The following DMD variants were observed in gnomAD, a reference collection of about 807,000 sequenced individuals.
DMD encodes dystrophin.
In DMD, 63 loss-of-function variants were observed where a neutral mutation model predicts 330.1. The ratio of observed to expected loss-of-function variants is 0.19; its 90% confidence interval spans 0.16 to 0.24. The LOEUF is 0.24. Ranked by LOEUF, DMD falls within the 10% of genes least tolerant of loss-of-function variation. The pLI is 1.00. For missense variants in DMD, 3,344 were observed against 2,684.1 expected (o/e 1.25, Z -5.43); for synonymous variants, 1,223 against 959.8 (o/e 1.27, Z -5.07).
At chrX:31,145,498 G>T (rs1243699853) in intron 76 of DMD, among the ~76,000 whole-genome samples, 1 of 111,241 alleles carries the variant, frequency 9.0e-6, no homozygotes, top group African/African-American at 3.3e-5. Context: ...TTCAAGTATA[G>T]ATCTGTATCT....
chrX:33,279,137 G>C (rs5972803), intron 1 of DMD, among the ~76,000 whole-genome samples: 29,696 of 110,929 alleles, frequency 0.27, 4,537 homozygotes, highest in East Asian at 0.92. Flanking sequence ...TCTGCACACA[G>C]AATGTACTGC....
intron 6 of DMD, among the ~76,000 whole-genome samples, chrX:32,814,875 C>T (rs1016168634): frequency 9.0e-6 from 1 of 111,517 alleles, no homozygotes; most frequent in African/African-American, 3.3e-5. Context: ...TAACCTGATC[C>T]TTGATATTTT....
At chrX:32,913,489 G>A (rs1032335775) in intron 2 of DMD, among the ~76,000 whole-genome samples, 1 of 112,035 alleles carries the variant, frequency 8.9e-6, no homozygotes, top group African/African-American at 3.2e-5. Flanking sequence ...TAATCCACAT[G>A]ATACCAGGTA....
chrX:32,032,270 T>G (rs2095891334), intron 44 of DMD, among the ~76,000 whole-genome samples: 1 of 111,989 alleles, frequency 8.9e-6, no homozygotes, highest in South Asian at 3.7e-4. Context: ...TTATTGTTAT[T>G]TAGTCACTGA....
At chrX:33,166,565 C>T (rs976409138) in intron 1 of DMD, among the ~76,000 whole-genome samples, 2 of 110,925 alleles carry the variant, frequency 1.8e-5, no homozygotes, top group African/African-American at 3.3e-5. Flanking sequence ...ATATCAGTGA[C>T]TTTGCTTACT....
chrX:32,269,211 C>A (rs900088428), intron 43 of DMD, among the ~76,000 whole-genome samples: 1 of 110,909 alleles, frequency 9.0e-6, no homozygotes, highest in African/African-American at 3.3e-5. Flanking sequence ...CCAGTAAATA[C>A]ACCGTGCATG....
chrX:31,383,970 G>A (rs936776505), intron 60 of DMD, among the ~76,000 whole-genome samples: 6 of 112,091 alleles, frequency 5.4e-5, no homozygotes, highest in Non-Finnish European at 9.4e-5. Context: ...GGTGCCACAA[G>A]TGCGAGTACA....
chrX:32,357,552 T>G (rs374978920), intron 37 of DMD, among the ~76,000 whole-genome samples: 1 of 109,940 alleles, frequency 9.1e-6, no homozygotes, highest in Non-Finnish European at 1.9e-5. Context: ...AGGTCATCAG[T>G]GTATCTCATC....
intron 7 of DMD, among the ~76,000 whole-genome samples, chrX:32,712,477 A>C (rs2065278684): frequency 8.9e-6 from 1 of 111,916 alleles, no homozygotes; most frequent in African/African-American, 3.2e-5. Context: ...AAATTGTCTG[A>C]TTAAAATATT....
intron 1 of DMD, among the ~76,000 whole-genome samples, chrX:33,332,656 C>T (rs1341257795): frequency 6.3e-5 from 7 of 111,373 alleles, no homozygotes; most frequent in African/African-American, 2.3e-4. Context: ...TATCTCCTTT[C>T]TAAAACAATT....
chrX:32,187,289 G>A (rs2096951912), intron 44 of DMD, among the ~76,000 whole-genome samples: 1 of 110,835 alleles, frequency 9.0e-6, no homozygotes, highest in African/African-American at 3.3e-5. Flanking sequence ...TTTTATAATT[G>A]CCCAGACCAT....
chrX:32,439,585 G>A (rs1055774920), intron 28 of DMD, among the ~76,000 whole-genome samples: 15 of 110,847 alleles, frequency 1.4e-4, no homozygotes, highest in African/African-American at 4.9e-4. Context: ...TGGATGAAAA[G>A]CAACAAAGCA....
At chrX:32,422,695 T>A (rs2098195039) in intron 29 of DMD, among the ~76,000 whole-genome samples, 1 of 111,783 alleles carries the variant, frequency 8.9e-6, no homozygotes, top group Non-Finnish European at 1.9e-5. Flanking sequence ...TTGAAAAATA[T>A]TTTTATTCCT....
At chrX:31,151,563 C>G (rs1025687518) in intron 74 of DMD, among the ~76,000 whole-genome samples, 1 of 112,016 alleles carries the variant, frequency 8.9e-6, no homozygotes, top group African/African-American at 3.2e-5. Context: ...TTATAAGGAC[C>G]CTTGTTCAAG....
chrX:32,654,643 T>C (rs1162741367), intron 9 of DMD, among the ~76,000 whole-genome samples: 1 of 111,846 alleles, frequency 8.9e-6, no homozygotes, highest in East Asian at 2.8e-4. Context: ...CAGGCTTTGG[T>C]ATCAGGATGA....
intron 1 of DMD, among the ~76,000 whole-genome samples, chrX:33,127,377 C>T (rs934553589): frequency 9.0e-6 from 1 of 110,975 alleles, no homozygotes; most frequent in East Asian, 2.8e-4. Flanking sequence ...AATCACTACA[C>T]CTTTTCACTT....
chrX:32,306,401 G>A (rs1192593786), intron 42 of DMD, among the ~76,000 whole-genome samples: 2 of 110,736 alleles, frequency 1.8e-5, no homozygotes, highest in Non-Finnish European at 3.8e-5. Context: ...TTCCCTTGTG[G>A]TCTCGAACTT....
In DMD at chrX:32,468,567, C is replaced by A. The variant is rs1220406312; in HGVS notation, c.3093G>T (p.Lys1031Asn). The A allele has an allele frequency of 2.6e-5, 32 of 1,208,848 alleles. No individual in the cohort carries two copies. Among genetic ancestry groups the A allele is most frequent in the Non-Finnish European group, 3.4e-5 (30 of 894,828 alleles). The change falls in exon 23 of 79, where the codon AAG (lysine) becomes AAT (asparagine). Residue 1031 changes from lysine to asparagine, a missense_variant. Physicochemically the swap from Lys to Asn is moderately conservative, Grantham distance 94 (BLOSUM62 0). Coordinates refer to ENST00000357033, the MANE Select transcript of DMD (RefSeq NM_004006.3). ...EFEEIEGRWK[K>N]LSSQLVEHCQ... ...AATGCTCAACCAGCTGGGAGGAGAGCTTCTTCCAGCGTCCCTCAATTTCTT... is the reference window on the plus strand; with the variant it reads ...AATGCTCAACCAGCTGGGAGGAGAGATTCTTCCAGCGTCCCTCAATTTCTT...
intron 1 of DMD, among the ~76,000 whole-genome samples, chrX:33,072,517 G>C (rs1279340417): frequency 8.9e-6 from 1 of 112,301 alleles, no homozygotes; most frequent in African/African-American, 3.2e-5. Flanking sequence ...ATGTCTAAAA[G>C]TAATTCCTGA....
Sources: allele counts gnomAD v4.1 joint callset (sites outside exome capture counted in the v4.1 genomes callset), GRCh38; gene constraint gnomAD v4.1.1; transcripts MANE v1.5; gene names NCBI Gene and HGNC (gene_info 2026-07-23, HGNC 2026-07-21).